The following PRKCE variants were observed in gnomAD, a reference collection of about 807,000 sequenced individuals.
The protein encoded by PRKCE is protein kinase C epsilon.
In PRKCE, 16 loss-of-function variants were observed where a neutral mutation model predicts 85.4. The ratio of observed to expected loss-of-function variants is 0.19; its 90% CI spans 0.13 to 0.28. The LOEUF is 0.28. Among genes scored for constraint, PRKCE ranks in the 10% least tolerant of loss-of-function variants. PRKCE has a pLI of 1.00. For missense variants in PRKCE, 573 were observed against 975.2 expected, an observed-to-expected ratio of 0.59 and a Z score of 5.49; for synonymous variants, 388 against 371.5, an observed-to-expected ratio of 1.04 and a Z score of -0.51.
chr2:45,949,178 C>G (rs539931228), intron 2 of PRKCE, among the ~76,000 whole-genome samples: 1 of 152,188 alleles, frequency 6.6e-6, no homozygotes, highest in Non-Finnish European at 1.5e-5. Context: ...GCTTAGCTGA[C>G]TATTGTGTGA....
chr2:45,931,465 A>G (rs1049267280), intron 2 of PRKCE, among the ~76,000 whole-genome samples: 1 of 152,218 alleles, frequency 6.6e-6, no homozygotes, highest in African/African-American at 2.4e-5. Flanking sequence ...TCATCAGTTC[A>G]TTGACCTAAA....
intron 11 of PRKCE, among the ~76,000 whole-genome samples, chr2:46,136,331 G>T (rs1049654694): frequency 6.6e-6 from 1 of 152,200 alleles, no homozygotes; most frequent in Non-Finnish European, 1.5e-5. Flanking sequence ...GGCCTCACGC[G>T]TGCTAACGCT....
intron 1 of PRKCE, among the ~76,000 whole-genome samples, chr2:45,711,567 A>G (rs1163462928): frequency 6.6e-6 from 1 of 152,240 alleles, no homozygotes; most frequent in Non-Finnish European, 1.5e-5. Context: ...TACTTGTTAA[A>G]TTAACTATAT....
intron 1 of PRKCE, among the ~76,000 whole-genome samples, chr2:45,724,264 G>A (rs934299734): frequency 6.6e-6 from 1 of 152,142 alleles, no homozygotes; most frequent in East Asian, 1.9e-4. Flanking sequence ...TTTGTTTGAT[G>A]TTACTATTAT....
chr2:46,058,921 C>T (rs1040544255), intron 10 of PRKCE, among the ~76,000 whole-genome samples: 5 of 152,206 alleles, frequency 3.3e-5, no homozygotes, highest in African/African-American at 1.2e-4. Flanking sequence ...TGGTCTCAAA[C>T]TCCTGGGCTC....
chr2:46,091,492 T>C (rs12712964), intron 11 of PRKCE, among the ~76,000 whole-genome samples: 116,567 of 152,094 alleles, frequency 0.77, 45,249 homozygotes, highest in East Asian at 0.89. Context: ...GGGAATGGAG[T>C]TGAAGGCTTG....
chr2:45,934,059 T>C (rs1699258919), intron 2 of PRKCE, among the ~76,000 whole-genome samples: 1 of 152,172 alleles, frequency 6.6e-6, no homozygotes. Context: ...GGTAGTCTCC[T>C]AACTGACCTC....
At chr2:45,705,838 T>A (rs1310421517) in intron 1 of PRKCE, among the ~76,000 whole-genome samples, 1 of 152,212 alleles carries the variant, frequency 6.6e-6, no homozygotes, top group African/African-American at 2.4e-5. Flanking sequence ...CTGCCTGGCT[T>A]TGTAGCTGAA....
At position 45,926,475 on chromosome 2, in the gene PRKCE, G is replaced by T. The variant is rs1245254145; in HGVS notation, c.413-49954G>T. Among the ~76,000 whole-genome samples the T allele has an allele frequency of 2.0e-5, 3 of 152,200 alleles. No individual in the cohort carries two copies. The East Asian group carries it at 5.8e-4, about 29-fold the overall frequency. On this transcript the variant is annotated intron_variant, in intron 2 of 14. Coordinates refer to ENST00000306156, the MANE Select transcript of PRKCE (RefSeq NM_005400.3). ...GGTGGTGGTAATGGCGGTGATAGTG[G>T]TGATAAAGAGGAGGGGATGTTGCCC...
intron 13 of PRKCE, among the ~76,000 whole-genome samples, chr2:46,153,912 G>C (rs1427811064): frequency 6.7e-6 from 1 of 150,326 alleles, no homozygotes; most frequent in African/African-American, 2.5e-5. Flanking sequence ...TCAGCCTCCC[G>C]AGTAGCTGGG....
chr2:45,751,728 A>T (rs1683574796), intron 1 of PRKCE, among the ~76,000 whole-genome samples: 1 of 152,018 alleles, frequency 6.6e-6, no homozygotes, highest in African/African-American at 2.4e-5. Flanking sequence ...CACATTTTTG[A>T]AAGTACAGAA....
intron 1 of PRKCE, among the ~76,000 whole-genome samples, chr2:45,787,223 C>T (rs1346936204): frequency 6.6e-6 from 1 of 152,154 alleles, no homozygotes; most frequent in Non-Finnish European, 1.5e-5. Flanking sequence ...AGTGCAGGCT[C>T]GGAAGCTTGA....
chr2:45,743,853 T>G (rs1682791134), intron 1 of PRKCE, among the ~76,000 whole-genome samples: 1 of 151,906 alleles, frequency 6.6e-6, no homozygotes, highest in Admixed American at 6.6e-5. Flanking sequence ...GCCCTAGAAA[T>G]AGGAAACTGG....
chr2:45,709,818 T>G (rs937354082), intron 1 of PRKCE, among the ~76,000 whole-genome samples: 3 of 152,322 alleles, frequency 2.0e-5, no homozygotes, highest in South Asian at 4.1e-4. Context: ...GTATCTTTTT[T>G]TTTGTTTGTT....
intron 2 of PRKCE, among the ~76,000 whole-genome samples, chr2:45,919,166 G>T (rs921356876): frequency 6.6e-6 from 1 of 152,226 alleles, no homozygotes; most frequent in African/African-American, 2.4e-5. Context: ...AGTAGGGGTT[G>T]TGGGGTAGAC....
At chr2:45,734,331 C>G (rs968870641) in intron 1 of PRKCE, among the ~76,000 whole-genome samples, 2 of 150,942 alleles carry the variant, frequency 1.3e-5, no homozygotes, top group Admixed American at 6.6e-5. Flanking sequence ...CGCTACTGCA[C>G]TCCATCCTGG....
In PRKCE at chr2:45,895,998, G is replaced by T. The variant is rs1475680744; in HGVS notation, c.412+52935G>T. On this transcript the variant is annotated intron_variant, in intron 2 of 14. Coordinates refer to ENST00000306156, the MANE Select transcript of PRKCE (RefSeq NM_005400.3). This position sits in a 1 kb window ranked among gnomAD's most constrained non-coding sequence, Gnocchi z 4.8. ...AGGTAGAGCGTGGGCACTGCACAAT[G>T]GTTGTCCTGGATGCGCAGGAGTGGG... Among the ~76,000 whole-genome samples, 3 of 152,324 alleles carry T rather than the reference G, an allele frequency of 2.0e-5. No homozygotes were observed. Among genetic ancestry groups the T allele is most frequent in the East Asian group, 3.9e-4 (2 of 5,188 alleles).
At chr2:46,140,023 A>G (rs192794046) in intron 11 of PRKCE, among the ~76,000 whole-genome samples, 4 of 152,298 alleles carry the variant, frequency 2.6e-5, no homozygotes, top group East Asian at 1.9e-4. Flanking sequence ...ATATGAGAGA[A>G]TTTTAAAATG....
rs1485400633 is a variant in PRKCE, at chr2:46,184,017, T to A, written c.2068-718T>A. Reference sequence around the variant, plus strand: ...GGGAACTTCAACCCAGAGGTATGGGTCCTTCAGAGCTGGGGAGTCAGTGGT... The same window carrying A: ...GGGAACTTCAACCCAGAGGTATGGGACCTTCAGAGCTGGGGAGTCAGTGGT... On this transcript the variant is annotated intron_variant, in intron 14 of 14. Transcript: ENST00000306156. The surrounding 1 kb of genome is among the most constrained non-coding windows in gnomAD (Gnocchi z 5.0). Among the ~76,000 whole-genome samples, 1 of 152,078 alleles carries A rather than the reference T, an allele frequency of 6.6e-6. No homozygotes were observed. The highest frequency in any genetic ancestry group is 1.5e-5 in the Non-Finnish European group (1 of 68,032).
Sources: allele counts gnomAD v4.1 joint callset (sites outside exome capture counted in the v4.1 genomes callset), GRCh38; gene constraint gnomAD v4.1.1; non-coding constraint Gnocchi (gnomAD v3.1); transcripts MANE v1.5; gene names NCBI Gene and HGNC (gene_info 2026-07-23, HGNC 2026-07-21).